IDO2: variants seen among roughly 807,000 people sequenced by gnomAD.
IDO2 encodes the protein indoleamine 2,3-dioxygenase 2, also known as indoleamine 2,3-dioxygenase-like 1 protein.
In IDO2, 46 loss-of-function variants were observed where a neutral mutation model predicts 45.1. The ratio of observed to expected loss-of-function variants is 1.02; its 90% CI spans 0.80 to 1.30. The LOEUF is 1.30. Ranked by LOEUF, IDO2 falls within the 50% of genes most tolerant of loss-of-function variation. IDO2 has a pLI of 0.00. For missense variants in IDO2, 544 were observed against 491.8 expected, an observed-to-expected ratio of 1.11 and a Z score of -1.00; for synonymous variants, 218 against 184.9, an observed-to-expected ratio of 1.18 and a Z score of -1.45.
chr8:39,979,166 G>C, exon 4 of IDO2: 1 of 1,595,322 alleles, frequency 6.3e-7, no homozygotes, highest in Non-Finnish European at 8.5e-7. Flanking sequence ...CTGGCAGGAA[G>C]GAGAGGCGCA....
At chr8:39,982,894 C>T (rs1289575759) in intron 5 of IDO2, 124 bp downstream of exon 5, 3 of 616,424 alleles carry the variant, frequency 4.9e-6, no homozygotes, top group Middle Eastern at 2.7e-4. Context: ...AAGGGGTGAG[C>T]TTGACCAAAA....
exon 11 of IDO2, chr8:40,016,092 G>C: frequency 5.1e-6 from 2 of 392,070 alleles, no homozygotes; most frequent in Middle Eastern, 6.5e-4. Context: ...GTGGCAGGAG[G>C]TTGGAAATGC....
At chr8:39,961,496 A>G (rs1807996985) in intron 2 of IDO2, among the ~76,000 whole-genome samples, 1 of 151,228 alleles carries the variant, frequency 6.6e-6, no homozygotes. Flanking sequence ...CTAATTTTTT[A>G]TTTTTAGTAG....
intron 1 of IDO2, among the ~76,000 whole-genome samples, chr8:39,944,498 T>A (rs1459845508): frequency 6.6e-6 from 1 of 152,184 alleles, no homozygotes; most frequent in African/African-American, 2.4e-5. Context: ...GCTCTTTCAC[T>A]GGCAGCCCCT....
intron 8 of IDO2, among the ~76,000 whole-genome samples, chr8:39,990,996 C>T (rs907299720): frequency 2.3e-4 from 35 of 152,226 alleles, no homozygotes; most frequent in African/African-American, 7.7e-4. Context: ...TATCATTTTC[C>T]CTGAATCTTG....
intron 7 of IDO2, among the ~76,000 whole-genome samples, chr8:39,989,464 A>C (rs893739853): frequency 6.6e-5 from 10 of 152,178 alleles, no homozygotes; most frequent in Non-Finnish European, 1.0e-4. Flanking sequence ...AAATAATAGT[A>C]CTCAGGCCCT....
At chr8:39,966,531 T>A (rs1422098631) in intron 3 of IDO2, among the ~76,000 whole-genome samples, 1 of 152,226 alleles carries the variant, frequency 6.6e-6, no homozygotes, top group East Asian at 1.9e-4. Flanking sequence ...AACAAAAACA[T>A]GTGTTCTCTG....
exon 11 of IDO2, chr8:40,016,296 A>G: frequency 2.5e-6 from 1 of 398,080 alleles, no homozygotes; most frequent in Non-Finnish European, 4.4e-6. Flanking sequence ...TATTTGTAAA[A>G]TGAATGAATG....
intron 3 of IDO2, among the ~76,000 whole-genome samples, chr8:39,972,753 C>T (rs990932441): frequency 6.6e-6 from 1 of 151,912 alleles, no homozygotes; most frequent in African/African-American, 2.4e-5. Context: ...GCCACCCCAA[C>T]CTTCAGCAAC....
At chr8:39,990,340 A>G (rs1387529353) in intron 8 of IDO2, among the ~76,000 whole-genome samples, 1 of 152,174 alleles carries the variant, frequency 6.6e-6, no homozygotes, top group East Asian at 1.9e-4. Flanking sequence ...TGTCAAAGGT[A>G]GGAAAGTTGT....
At chr8:39,967,522 C>G (rs1211633478) in intron 3 of IDO2, among the ~76,000 whole-genome samples, 2 of 152,120 alleles carry the variant, frequency 1.3e-5, no homozygotes, top group Admixed American at 6.5e-5. Flanking sequence ...GAGTTTCACT[C>G]TTGTTGCCCA....
chr8:39,999,548 A>T (rs1186372922), intron 8 of IDO2, among the ~76,000 whole-genome samples: 2 of 149,126 alleles, frequency 1.3e-5, no homozygotes, highest in Non-Finnish European at 3.0e-5. Context: ...CAAAGTGCTA[A>T]GATTACAGGC....
intron 4 of IDO2, among the ~76,000 whole-genome samples, chr8:39,980,396 T>A (rs541878852): frequency 6.6e-6 from 1 of 152,356 alleles, no homozygotes; most frequent in Admixed American, 6.5e-5. Flanking sequence ...CTTTATTTTT[T>A]TTTTAATACT....
At chr8:39,989,236 A>G (rs1405198764) in intron 7 of IDO2, among the ~76,000 whole-genome samples, 1 of 152,048 alleles carries the variant, frequency 6.6e-6, no homozygotes, top group Admixed American at 6.6e-5. Context: ...GTATCATGAG[A>G]ACAGTATGGG....
At chr8:40,012,977 C>T (rs1397706252) in intron 9 of IDO2, among the ~76,000 whole-genome samples, 2 of 152,098 alleles carry the variant, frequency 1.3e-5, no homozygotes, top group East Asian at 3.9e-4. Context: ...AACATCTGTA[C>T]GTTATAGATT....
chr8:39,997,612 G>A lies in IDO2; in HGVS notation c.668-7715G>A, dbSNP rs369439782. On this transcript the variant is annotated intron_variant, in intron 8 of 10. Coordinates refer to ENST00000502986, the Ensembl canonical transcript of IDO2. ...CACCTCAAGGCTGCAATGAGCCAAG[G>A]TCACACCATTGTACTGAAGCCTGGG... 6.6e-5 allele frequency among the ~76,000 whole-genome samples: 10 copies of A among 152,230 alleles called. No homozygotes were observed. The East Asian group carries it at 1.4e-3, about 21-fold the overall frequency.
At chr8:39,997,212 G>A (rs1802059440) in intron 8 of IDO2, among the ~76,000 whole-genome samples, 1 of 152,136 alleles carries the variant, frequency 6.6e-6, no homozygotes, top group African/African-American at 2.4e-5. Flanking sequence ...TAACCCAGCT[G>A]CTTCCTGAAT....
exon 11 of IDO2, chr8:40,015,758 G>A (rs1802378949): frequency 1.6e-6 from 1 of 616,636 alleles, no homozygotes; most frequent in African/African-American, 1.8e-5. Context: ...GTTGAGAGCT[G>A]TTGGCTTCAC....
chr8:39,972,443 C>T (rs1808192258), intron 3 of IDO2, among the ~76,000 whole-genome samples: 1 of 151,712 alleles, frequency 6.6e-6, no homozygotes, highest in Non-Finnish European at 1.5e-5. Context: ...ACCACTACCT[C>T]TACTAAAAAT....
Sources: gnomAD v4.1 joint callset for allele counts (sites outside exome capture counted in the v4.1 genomes callset) on GRCh38, gnomAD v4.1.1 for gene constraint, MANE v1.5 for transcripts, NCBI Gene and HGNC (gene_info 2026-07-23, HGNC 2026-07-21) for gene names.